Variants in RSPRY1 observed in about 807,000 individuals in gnomAD.
The protein encoded by RSPRY1 is RING finger and SPRY domain-containing protein 1.
A neutral mutation model predicts 73.1 loss-of-function variants in RSPRY1; 23 were observed. The ratio of observed to expected loss-of-function variants is 0.31; its 90% CI spans 0.23 to 0.45. The LOEUF is 0.45. Ranked by LOEUF, RSPRY1 falls within the 20% of genes least tolerant of loss-of-function variation. RSPRY1 has a pLI of 1.00. For missense variants in RSPRY1, 448 were observed against 698.7 expected, an observed-to-expected ratio of 0.64 and a Z score of 4.05; for synonymous variants, 226 against 251.4, an observed-to-expected ratio of 0.90 and a Z score of 0.95.
At chr16:57,202,517 G>C (rs1346724236) in intron 1 of RSPRY1, among the ~76,000 whole-genome samples, 1 of 152,098 alleles carries the variant, frequency 6.6e-6, no homozygotes, top group Non-Finnish European at 1.5e-5. Context: ...CCTCTAAAGC[G>C]AATCATACTC....
intron 1 of RSPRY1, among the ~76,000 whole-genome samples, chr16:57,192,499 A>G (rs1456799626): frequency 6.6e-6 from 1 of 151,858 alleles, no homozygotes; most frequent in East Asian, 1.9e-4. Context: ...CCCCTTTTTT[A>G]CTATTATTTG....
At chr16:57,197,896 T>A (rs2074480690) in intron 1 of RSPRY1, among the ~76,000 whole-genome samples, 1 of 152,096 alleles carries the variant, frequency 6.6e-6, no homozygotes, top group East Asian at 2.0e-4. Context: ...GCTAATTTCT[T>A]AATTTTTTCT....
At chr16:57,201,081 C>T (rs1350169405) in intron 1 of RSPRY1, among the ~76,000 whole-genome samples, 13 of 151,682 alleles carry the variant, frequency 8.6e-5, no homozygotes, top group African/African-American at 2.7e-4. Context: ...CCCTCCCAGA[C>T]GGGGTGGCTG....
intron 9 of RSPRY1, 23 bp from the exon 10 acceptor site, chr16:57,221,249 G>T: frequency 1.2e-6 from 2 of 1,612,474 alleles, no homozygotes; most frequent in South Asian, 2.2e-5. Context: ...ATAGTTGATT[G>T]ACACATTTTT....
At chr16:57,204,423 A>G (rs2074685234) in intron 1 of RSPRY1, 81 bp from the exon 2 acceptor site, 2 of 472,388 alleles carry the variant, frequency 4.2e-6, no homozygotes, top group Non-Finnish European at 3.8e-6. Flanking sequence ...CCTAATATCT[A>G]TAAAATCAGA....
At chr16:57,230,546 G>C (rs2075199331) in intron 11 of RSPRY1, among the ~76,000 whole-genome samples, 165 bp from the exon 12 acceptor site, 1 of 152,132 alleles carries the variant, frequency 6.6e-6, no homozygotes, top group Non-Finnish European at 1.5e-5. Flanking sequence ...TAAAATATTG[G>C]TGTATAGGGG....
At chr16:57,193,553 G>T (rs2074387085) in intron 1 of RSPRY1, among the ~76,000 whole-genome samples, 1 of 151,128 alleles carries the variant, frequency 6.6e-6, no homozygotes, top group African/African-American at 2.4e-5. Flanking sequence ...AGGGTAGTGG[G>T]ATGATCTCGG....
At chr16:57,224,111 CTAG>C (rs2075083612) in intron 10 of RSPRY1, among the ~76,000 whole-genome samples, 1 of 152,216 alleles carries the variant, frequency 6.6e-6, no homozygotes, top group African/African-American at 2.4e-5. Flanking sequence ...AGTTTTGGAA[CTAG>C]ACAGGCTCCA....
intron 10 of RSPRY1, among the ~76,000 whole-genome samples, chr16:57,224,051 C>T (rs1430618585): frequency 6.6e-6 from 1 of 152,194 alleles, no homozygotes; most frequent in African/African-American, 2.4e-5. Flanking sequence ...CTATCTCAGA[C>T]AGAAAAGGAA....
chr16:57,231,529 A>G (rs561629322), intron 13 of RSPRY1, among the ~76,000 whole-genome samples: 2 of 152,204 alleles, frequency 1.3e-5, no homozygotes, highest in African/African-American at 4.8e-5. Context: ...AAAGCACCAG[A>G]CCCAGGTGGT....
chr16:57,199,665 T>C (rs2074523432), intron 1 of RSPRY1, among the ~76,000 whole-genome samples: 1 of 152,136 alleles, frequency 6.6e-6, no homozygotes, highest in Non-Finnish European at 1.5e-5. Context: ...TGAATGTGTA[T>C]ATTTTAAGGT....
At chr16:57,199,739 A>T (rs1275231633) in intron 1 of RSPRY1, among the ~76,000 whole-genome samples, 2 of 152,048 alleles carry the variant, frequency 1.3e-5, no homozygotes, top group African/African-American at 2.4e-5. Flanking sequence ...TGGCACAATC[A>T]TCTGACCTAC....
At chr16:57,233,217 C>A (rs1303399383) in intron 13 of RSPRY1, among the ~76,000 whole-genome samples, 2 of 152,092 alleles carry the variant, frequency 1.3e-5, no homozygotes, top group African/African-American at 4.8e-5. Flanking sequence ...TCCATTCATT[C>A]TTTTTTTCTT....
chr16:57,236,746 CATAAAA>C (rs1393250693), intron 14 of RSPRY1, among the ~76,000 whole-genome samples: 3 of 152,062 alleles, frequency 2.0e-5, no homozygotes. Context: ...TGATAAAACT[CATAAAA>C]AGAAAAAACT....
chr16:57,237,545 A>G (rs1290200865), intron 14 of RSPRY1, among the ~76,000 whole-genome samples: 1 of 152,198 alleles, frequency 6.6e-6, no homozygotes, highest in African/African-American at 2.4e-5. Context: ...TTAAAATTCA[A>G]TATCCATTCC....
intron 1 of RSPRY1, among the ~76,000 whole-genome samples, chr16:57,196,207 AT>A (rs1230937975): frequency 6.6e-6 from 1 of 151,822 alleles, no homozygotes; most frequent in Non-Finnish European, 1.5e-5. Context: ...ATATGGAGCC[AT>A]TTTTTCCTTT....
chr16:57,214,453 C>T (rs764974884), intron 6 of RSPRY1, among the ~76,000 whole-genome samples: 1 of 152,166 alleles, frequency 6.6e-6, no homozygotes, highest in Non-Finnish European at 1.5e-5. Context: ...ATAGTTCTGG[C>T]CTGTGGTCTT....
intron 2 of RSPRY1, 94 bp downstream of exon 2, chr16:57,205,102 C>A: frequency 1.2e-6 from 1 of 858,534 alleles, no homozygotes; most frequent in Non-Finnish European, 1.8e-6. Context: ...TTAGGACATA[C>A]TCGCCAAGCC....
At chr16:57,196,108 G>A (rs991443310) in intron 1 of RSPRY1, among the ~76,000 whole-genome samples, 15 of 149,286 alleles carry the variant, frequency 1.0e-4, no homozygotes, top group African/African-American at 2.2e-4. Context: ...TTTCTATTCC[G>A]TTCAGTCTCT....
Sources: gnomAD v4.1 joint callset for allele counts (sites outside exome capture counted in the v4.1 genomes callset) on GRCh38, gnomAD v4.1.1 for gene constraint, MANE v1.5 for transcripts, NCBI Gene and HGNC (gene_info 2026-07-23, HGNC 2026-07-21) for gene names.